The following PRDM16 variants were observed in gnomAD, a reference collection of about 807,000 sequenced individuals.
PRDM16 encodes the protein PR/SET domain 16.
In PRDM16, 23 loss-of-function variants were observed where a neutral mutation model predicts 110.6. The ratio of observed to expected loss-of-function variants is 0.21; its 90% CI spans 0.15 to 0.29. The LOEUF (loss-of-function observed/expected upper bound fraction) is 0.29. PRDM16 is among the 10% of genes least tolerant of loss of function. The pLI is 1.00. For synonymous variants in PRDM16, 799 were observed against 781.8 expected (o/e 1.02, Z -0.37); for missense variants, 1,615 against 1,794.3 (o/e 0.90, Z 1.81).
rs573705062 is a variant in PRDM16 at position 3,080,536 on chromosome 1, A to G, written c.37+11240A>G. On this transcript the variant is annotated intron_variant, in intron 1 of 16. Transcript: ENST00000270722. This position sits in a 1 kb window ranked among gnomAD's most constrained non-coding sequence, Gnocchi z 5.2. ...GATTTTTCCCTGGAAGTGATTTGGC[A>G]TGACTTTAAAAATAAGATCTACTAA... Among the ~76,000 whole-genome samples the G allele has an allele frequency of 2.0e-4, 31 of 152,318 alleles. No homozygotes were observed. Among genetic ancestry groups the G allele is most frequent in the African/African-American group, 5.1e-4 (21 of 41,566 alleles).
intron 1 of PRDM16, among the ~76,000 whole-genome samples, chr1:3,184,704 C>T (rs1002459029): frequency 6.6e-6 from 1 of 152,206 alleles, no homozygotes; most frequent in South Asian, 2.1e-4. Context: ...GAGACCTGGG[C>T]CTCTCGCTGT....
chr1:3,209,169 G>C lies in PRDM16; in HGVS notation c.387+22695G>C, dbSNP rs979072937. 6.6e-6 allele frequency among the ~76,000 whole-genome samples: 1 copy of C among 152,220 alleles called. No individual in the cohort carries two copies. The highest frequency in any genetic ancestry group is 1.5e-5 in the Non-Finnish European group (1 of 68,040). ...TAGTCAAAAATATGGGAACATTTTG[G>C]TTCCAGGGGTAAGAAAAAATTAATC... On this transcript the variant is annotated intron_variant, in intron 2 of 16. Transcript: ENST00000270722. The surrounding 1 kb of genome is among the most constrained non-coding windows in gnomAD (Gnocchi z 4.6).
intron 3 of PRDM16, chr1:3,309,554 A>G (rs1184158825): frequency 6.6e-6 from 1 of 152,304 alleles, no homozygotes; most frequent in Non-Finnish European, 1.5e-5. Flanking sequence ...TCTCATCTGT[A>G]AAACACCAGA....
rs369268153 is a variant in PRDM16 at position 3,373,363 on chromosome 1, G to T, written c.439-11789G>T. Among the ~76,000 whole-genome samples the T allele has an allele frequency of 7.7e-4, 117 of 152,310 alleles. 1 individual carries two copies. The highest frequency in any genetic ancestry group is 2.2e-3 in the African/African-American group (91 of 41,558). On this transcript the variant is annotated intron_variant, in intron 3 of 16. Coordinates refer to ENST00000270722, the MANE Select transcript of PRDM16 (RefSeq NM_022114.4). ...AGCCCCGCCCCAGCGTGCCTTTGCG[G>T]TGACCCACATCTGGGCAAGTAGACA... is the stretch of plus-strand genomic sequence containing the variant.
chr1:3,262,865 G>A (rs1395597907), intron 3 of PRDM16, among the ~76,000 whole-genome samples: 3 of 152,194 alleles, frequency 2.0e-5, no homozygotes, highest in African/African-American at 7.2e-5. Flanking sequence ...GAGGGTGTGC[G>A]CGCATGGGGT....
At chr1:3,420,592 G>A (rs2493284) in intron 12 of PRDM16, among the ~76,000 whole-genome samples, 13,107 of 152,266 alleles carry the variant, frequency 0.086, 641 homozygotes, top group Middle Eastern at 0.2. Context: ...ACCTGAAATC[G>A]TTCAGAATGT....
chr1:3,288,199 G>A (rs1640899964), intron 3 of PRDM16, among the ~76,000 whole-genome samples: 1 of 152,242 alleles, frequency 6.6e-6, no homozygotes. Context: ...ACTGGAGGCT[G>A]TGGCTGTGGA....
At chr1:3,342,545 A>G (rs747281201) in intron 3 of PRDM16, among the ~76,000 whole-genome samples, 3 of 152,238 alleles carry the variant, frequency 2.0e-5, no homozygotes, top group Non-Finnish European at 4.4e-5. Flanking sequence ...ACGGTAGCCT[A>G]TACGTACCAT....
intron 3 of PRDM16, among the ~76,000 whole-genome samples, chr1:3,279,656 C>A (rs1640667622): frequency 6.6e-6 from 1 of 152,260 alleles, no homozygotes; most frequent in South Asian, 2.1e-4. Context: ...GGGCAGCCGT[C>A]AGGGAGAGTC....
At chr1:3,384,306 G>A (rs1643158845) in intron 3 of PRDM16, among the ~76,000 whole-genome samples, 1 of 152,210 alleles carries the variant, frequency 6.6e-6, no homozygotes, top group Non-Finnish European at 1.5e-5. Flanking sequence ...TGCCCAGGAA[G>A]CTTGCCCAAG....
At chr1:3,191,858 T>C (rs990164024) in intron 2 of PRDM16, among the ~76,000 whole-genome samples, 5 of 152,128 alleles carry the variant, frequency 3.3e-5, no homozygotes, top group African/African-American at 1.2e-4. Context: ...TGATTGGCTT[T>C]TAAAGGCACC....
At chr1:3,341,132 C>T (rs376465299) in intron 3 of PRDM16, among the ~76,000 whole-genome samples, 2 of 152,184 alleles carry the variant, frequency 1.3e-5, no homozygotes, top group Non-Finnish European at 1.5e-5. Context: ...TTCTCCTGGG[C>T]TATGATGGGT....
rs1471110109 is a variant in PRDM16 at position 3,299,309 on chromosome 1, CAGA to C, written c.438+55173_438+55175del. ...ATGCTATGCTGTGGCCATGATGTTT[CAGA>C]TCCCAGTCGTGGTGACTCTGCCCTT... On this transcript the variant is annotated intron_variant, in intron 3 of 16. Transcript: ENST00000270722. Among the ~76,000 whole-genome samples the C allele has an allele frequency of 6.6e-3, 692 of 104,796 alleles. 70 individuals carry two copies. The highest frequency in any genetic ancestry group is 0.025 in the East Asian group (74 of 2,914). 68.8% of individuals were successfully genotyped at this position (104,796 alleles called of 152,430 possible).
rs932254202 is a variant in PRDM16 at position 3,390,931 on chromosome 1, G to A, written c.574-5560G>A. ...GCTCACTGCAACCTCCGCCTCCCGGGTTCAAGCGATTCTCCTGTCTCAGCC... is the reference window on the plus strand; with the variant it reads ...GCTCACTGCAACCTCCGCCTCCCGGATTCAAGCGATTCTCCTGTCTCAGCC... On this transcript the variant is annotated intron_variant, in intron 4 of 16. Coordinates refer to ENST00000270722, the MANE Select transcript of PRDM16 (RefSeq NM_022114.4). This position sits in a 1 kb window ranked among gnomAD's most constrained non-coding sequence, Gnocchi z 5.0. 6.6e-6 allele frequency among the ~76,000 whole-genome samples: 1 copy of A among 151,576 alleles called. No homozygotes were observed. The highest frequency in any genetic ancestry group is 1.5e-5 in the Non-Finnish European group (1 of 67,946).
chr1:3,110,052 C>T (rs1642749383), intron 1 of PRDM16, among the ~76,000 whole-genome samples: 2 of 149,652 alleles, frequency 1.3e-5, no homozygotes, highest in African/African-American at 5.0e-5. Context: ...TATGGGGACA[C>T]AGTGCTCGGG....
At chr1:3,403,120 G>T in intron 6 of PRDM16, 122 bp downstream of exon 6, 1 of 930,752 alleles carries the variant, frequency 1.1e-6, no homozygotes, top group East Asian at 2.6e-5. Flanking sequence ...CCCCCAACAG[G>T]TGTAGACAAA....
At chr1:3,087,244 G>A (rs1421960520) in intron 1 of PRDM16, among the ~76,000 whole-genome samples, 1 of 145,194 alleles carries the variant, frequency 6.9e-6, no homozygotes, top group Admixed American at 6.9e-5. Context: ...AGCCCCACCG[G>A]AGACCAGCCC....
At chr1:3,145,800 A>G (rs982367961) in intron 1 of PRDM16, among the ~76,000 whole-genome samples, 1 of 152,122 alleles carries the variant, frequency 6.6e-6, no homozygotes, top group Non-Finnish European at 1.5e-5. Context: ...CTCATTAAGA[A>G]AGTGCAATTT....
intron 2 of PRDM16, among the ~76,000 whole-genome samples, chr1:3,200,218 G>A (rs1638584948): frequency 6.6e-6 from 1 of 151,960 alleles, no homozygotes; most frequent in Non-Finnish European, 1.5e-5. Flanking sequence ...AGAGGGGCCT[G>A]GGGGTCTGGC....
Sources: gnomAD v4.1 joint callset for allele counts (sites outside exome capture counted in the v4.1 genomes callset) on GRCh38, gnomAD v4.1.1 for gene constraint, Gnocchi (gnomAD v3.1) non-coding constraint, MANE v1.5 for transcripts, NCBI Gene and HGNC (gene_info 2026-07-23, HGNC 2026-07-21) for gene names.